Variants in PAK1 observed in about 807,000 individuals in gnomAD.
PAK1 encodes p21 (RAC1) activated kinase 1.
PAK1 carries 29 observed loss-of-function variants against 67.4 expected under a neutral mutation model. That is an observed-to-expected ratio of 0.43 (90% CI 0.32 to 0.59). The LOEUF (loss-of-function observed/expected upper bound fraction) is 0.59, where lower values mean the gene tolerates loss of function less well. PAK1 is among the 20% of genes least tolerant of loss of function. PAK1 has a pLI of 0.07. For synonymous variants in PAK1, 223 were observed against 237.4 expected (o/e 0.94, Z 0.56); for missense variants, 337 against 670.7 (o/e 0.50, Z 5.50).
intron 1 of PAK1, among the ~76,000 whole-genome samples, chr11:77,404,648 G>A (rs1953209250): frequency 6.6e-6 from 1 of 152,158 alleles, no homozygotes; most frequent in South Asian, 2.1e-4. Flanking sequence ...GTGCCTCCCT[G>A]TATCTGCATC....
At chr11:77,402,225 G>C (rs995667339) in intron 1 of PAK1, among the ~76,000 whole-genome samples, 13 of 152,064 alleles carry the variant, frequency 8.5e-5, no homozygotes, top group African/African-American at 3.1e-4. Flanking sequence ...CTGTATCTGG[G>C]AGGCTTCCTA....
Position 77,432,000 on chromosome 11 carries a change from T to C in PAK1, c.-21-39459A>G, listed in dbSNP as rs576605109. On this transcript the variant is annotated intron_variant, in intron 1 of 14. Coordinates refer to ENST00000356341, the MANE Select transcript of PAK1 (RefSeq NM_002576.5). Reference sequence around the variant, plus strand: ...TTGTACTCTAAAGTTTAAGCCTGTGTGGGTTTTTTTTGTCTCCTCAATTAA... The same window carrying C: ...TTGTACTCTAAAGTTTAAGCCTGTGCGGGTTTTTTTTGTCTCCTCAATTAA... Among the ~76,000 whole-genome samples the C allele has an allele frequency of 1.1e-3, 162 of 152,298 alleles. 1 individual carries two copies. The highest frequency in any genetic ancestry group is 1.9e-3 in the Non-Finnish European group (131 of 68,016).
intron 7 of PAK1, 68 bp from the exon 8 acceptor site, chr11:77,353,667 C>T: frequency 1.6e-6 from 2 of 1,226,562 alleles, no homozygotes; most frequent in South Asian, 2.4e-5. Flanking sequence ...TTCCACATTT[C>T]CCCAACCCCT....
At chr11:77,495,411 T>C in the PAK1 span, among the ~76,000 whole-genome samples, 4 of 151,836 alleles carry the variant, frequency 2.6e-5, no homozygotes, top group African/African-American at 9.7e-5. Context: ...GAGGTAGAGG[T>C]TGTAGTGAGC....
intron 1 of PAK1, among the ~76,000 whole-genome samples, chr11:77,445,862 T>C (rs1252555396): frequency 6.6e-6 from 1 of 152,138 alleles, no homozygotes; most frequent in Non-Finnish European, 1.5e-5. Context: ...TGCCCTATTC[T>C]CCCTTGTCCG....
chr11:77,468,120 C>T (rs1329531431), intron 1 of PAK1, among the ~76,000 whole-genome samples: 1 of 152,086 alleles, frequency 6.6e-6, no homozygotes, highest in Non-Finnish European at 1.5e-5. Flanking sequence ...ACTTAACAGT[C>T]TGAAAGGGAA....
chr11:77,323,394 C>A, intron 14 of PAK1, 34 bp from the exon 15 acceptor site: 1 of 1,326,800 alleles, frequency 7.5e-7, no homozygotes, highest in Admixed American at 1.7e-5. Flanking sequence ...AGACACATGA[C>A]TATTTAACAT....
chr11:77,436,317 C>T (rs1372227178), intron 1 of PAK1, among the ~76,000 whole-genome samples: 1 of 152,160 alleles, frequency 6.6e-6, no homozygotes, highest in Admixed American at 6.5e-5. Context: ...AGAAAACCAA[C>T]AGATTTGGCT....
chr11:77,441,859 A>G (rs1956369429), intron 1 of PAK1, among the ~76,000 whole-genome samples: 1 of 152,260 alleles, frequency 6.6e-6, no homozygotes, highest in African/African-American at 2.4e-5. Flanking sequence ...CAAAATGCTC[A>G]GACCTGCAAG....
chr11:77,419,874 G>A (rs930822394), intron 1 of PAK1, among the ~76,000 whole-genome samples: 1 of 152,130 alleles, frequency 6.6e-6, no homozygotes, highest in Admixed American at 6.5e-5. Flanking sequence ...TGATGATCTA[G>A]AGCATCTTAG....
At chr11:77,359,331 TACCTTCTTATTCTATGAATTTTTCTCTCC>T (rs1168040890) in intron 5 of PAK1, among the ~76,000 whole-genome samples, 1 of 152,126 alleles carries the variant, frequency 6.6e-6, no homozygotes, top group Non-Finnish European at 1.5e-5. Flanking sequence ...AAGCTCACAG[TACCTTCTTATTCTATGAATTTTTCTCTCC>T]ACACTGAACA....
intron 1 of PAK1, among the ~76,000 whole-genome samples, chr11:77,426,000 C>T (rs1955525320): frequency 6.6e-6 from 1 of 151,922 alleles, no homozygotes; most frequent in Admixed American, 6.6e-5. Context: ...ATCTTCCCAC[C>T]TCAGCCTCCC....
chr11:77,422,818 C>T (rs1237236615), intron 1 of PAK1, among the ~76,000 whole-genome samples: 8 of 152,052 alleles, frequency 5.3e-5, no homozygotes, highest in South Asian at 2.1e-4. Context: ...TCTGCCTTTC[C>T]GCCCCTTTCT....
At chr11:77,426,588 T>C (rs1955557218) in intron 1 of PAK1, among the ~76,000 whole-genome samples, 1 of 152,140 alleles carries the variant, frequency 6.6e-6, no homozygotes, top group African/African-American at 2.4e-5. Context: ...AATTATAGAA[T>C]AAAAGCTTTC....
intron 13 of PAK1, 123 bp from the exon 14 acceptor site, chr11:77,332,990 A>G (rs1460382909): frequency 2.4e-6 from 2 of 832,272 alleles, no homozygotes; most frequent in Non-Finnish European, 3.9e-6. Context: ...GCAGCTGTGT[A>G]TATATACTGG....
intron 1 of PAK1, among the ~76,000 whole-genome samples, chr11:77,433,527 C>T (rs1328927616): frequency 6.6e-6 from 1 of 152,110 alleles, no homozygotes; most frequent in Non-Finnish European, 1.5e-5. Flanking sequence ...CACCTGTAAT[C>T]CCAGCACTTT....
chr11:77,323,863 G>A (rs1014418912), intron 14 of PAK1, among the ~76,000 whole-genome samples: 6 of 152,118 alleles, frequency 3.9e-5, no homozygotes, highest in African/African-American at 9.7e-5. Context: ...CATTTCTTCC[G>A]AGGTAAGCCT....
intron 1 of PAK1, among the ~76,000 whole-genome samples, chr11:77,416,625 CAG>C (rs1954967773): frequency 6.6e-6 from 1 of 152,114 alleles, no homozygotes. Flanking sequence ...AAACCAGTAA[CAG>C]AGTCATTTAT....
the PAK1 span, among the ~76,000 whole-genome samples, chr11:77,518,008 G>A: frequency 6.6e-6 from 1 of 152,198 alleles, no homozygotes; most frequent in Non-Finnish European, 1.5e-5. Flanking sequence ...ACCTCCTGCT[G>A]TGTGGCCTCT....
Sources: gnomAD v4.1 joint callset for allele counts (sites outside exome capture counted in the v4.1 genomes callset) on GRCh38, gnomAD v4.1.1 for gene constraint, MANE v1.5 for transcripts, NCBI Gene and HGNC (gene_info 2026-07-23, HGNC 2026-07-21) for gene names.